TRPM3: variants seen among roughly 807,000 people sequenced by gnomAD.
TRPM3 encodes long transient receptor potential channel 3.
A neutral mutation model predicts 181.2 loss-of-function variants in TRPM3; 77 were observed. The observed-to-expected ratio is 0.42, with a 90% CI of 0.35 to 0.51. The LOEUF is 0.51. Ranked by LOEUF, TRPM3 falls within the 20% of genes least tolerant of loss-of-function variation. The pLI, the probability that TRPM3 is intolerant of heterozygous loss-of-function variation, is 0.01. For missense variants in TRPM3, 1,759 were observed against 2,196.7 expected, an observed-to-expected ratio of 0.80 and a Z score of 3.98; for synonymous variants, 745 against 796.4, an observed-to-expected ratio of 0.94 and a Z score of 1.09.
intron 1 of TRPM3, among the ~76,000 whole-genome samples, chr9:71,035,865 A>C (rs1285157215): frequency 1.3e-5 from 2 of 152,118 alleles, no homozygotes; most frequent in Non-Finnish European, 2.9e-5. Flanking sequence ...GAAGGCCATA[A>C]AATATATGGT....
At chr9:70,852,322 G>T (rs11142619) in intron 3 of TRPM3, among the ~76,000 whole-genome samples, 54,892 of 151,496 alleles carry the variant, frequency 0.36, 10,337 homozygotes, top group Non-Finnish European at 0.38. Context: ...TTTACCGATG[G>T]GAACAGAAAG....
chr9:70,640,544 A>G lies in TRPM3; in HGVS notation c.1446+16T>C. 6.2e-7 allele frequency: 1 copy of G among 1,608,034 alleles called. No individual in the cohort carries two copies. The highest frequency in any genetic ancestry group is 8.5e-7 in the Non-Finnish European group (1 of 1,176,190). On this transcript the variant is annotated intron_variant, in intron 10 of 25. Coordinates refer to ENST00000677713, the MANE Select transcript of TRPM3 (RefSeq NM_001366145.2). ...AACCAAAGTGGGCTTTTCATGGGAG[A>G]CGATATATACTCTACCGGCCACTGT...
intron 3 of TRPM3, among the ~76,000 whole-genome samples, chr9:70,855,311 A>G (rs552473832): frequency 2.6e-4 from 40 of 152,352 alleles, no homozygotes; most frequent in African/African-American, 8.9e-4. Flanking sequence ...CATTAAGAAA[A>G]AATAATAATA....
At chr9:71,139,279 G>T (rs1406860876) in intron 1 of TRPM3, among the ~76,000 whole-genome samples, 1 of 152,144 alleles carries the variant, frequency 6.6e-6, no homozygotes, top group Non-Finnish European at 1.5e-5. Flanking sequence ...GTATGGCAAG[G>T]TACTATCTCA....
At chr9:71,130,612 A>G (rs1038958830) in intron 1 of TRPM3, among the ~76,000 whole-genome samples, 1 of 152,226 alleles carries the variant, frequency 6.6e-6, no homozygotes, top group African/African-American at 2.4e-5. Context: ...CCAAAGATGA[A>G]TTTGATTTAT....
chr9:71,347,630 G>A (rs942260166), intron 1 of TRPM3, among the ~76,000 whole-genome samples: 3 of 152,160 alleles, frequency 2.0e-5, no homozygotes, highest in South Asian at 2.1e-4. Flanking sequence ...TTTAAGAGAC[G>A]TTAGGCCAGG....
At chr9:70,633,395 T>G (rs1405722781) in intron 12 of TRPM3, among the ~76,000 whole-genome samples, 1 of 152,160 alleles carries the variant, frequency 6.6e-6, no homozygotes, top group Non-Finnish European at 1.5e-5. Context: ...TGAGGGTAGA[T>G]CTACTACGAT....
intron 1 of TRPM3, among the ~76,000 whole-genome samples, chr9:71,418,032 G>T (rs1390584854): frequency 7.6e-6 from 1 of 131,856 alleles, no homozygotes; most frequent in African/African-American, 2.8e-5. Context: ...AAATATTTGA[G>T]AAATTGAAAA....
chr9:70,693,473 GCTTT>G (rs1178559316), intron 8 of TRPM3, among the ~76,000 whole-genome samples: 1 of 151,554 alleles, frequency 6.6e-6, no homozygotes, highest in East Asian at 1.9e-4. Flanking sequence ...CATTTTTAGC[GCTTT>G]TTTTTTGACA....
At chr9:70,662,579 A>T (rs2061287016) in intron 9 of TRPM3, among the ~76,000 whole-genome samples, 1 of 152,186 alleles carries the variant, frequency 6.6e-6, no homozygotes, top group Non-Finnish European at 1.5e-5. Context: ...AAGTGGGCAA[A>T]GGTCATGAAC....
chr9:71,425,401 T>G (rs1395600868), intron 1 of TRPM3, among the ~76,000 whole-genome samples: 1 of 152,178 alleles, frequency 6.6e-6, no homozygotes, highest in Admixed American at 6.6e-5. Flanking sequence ...GTTCAGGATT[T>G]CTATAAATAT....
chr9:71,001,976 C>T (rs1486147574), intron 1 of TRPM3, among the ~76,000 whole-genome samples: 3 of 149,996 alleles, frequency 2.0e-5, no homozygotes, highest in South Asian at 4.3e-4. Flanking sequence ...TCTTGTGTGC[C>T]CCCTTGTGGT....
At chr9:70,842,524 T>A (rs2094744515) in intron 5 of TRPM3, among the ~76,000 whole-genome samples, 1 of 152,100 alleles carries the variant, frequency 6.6e-6, no homozygotes, top group Non-Finnish European at 1.5e-5. Context: ...CAGATAGACC[T>A]CATGGTACTT....
At chr9:71,136,957 T>C (rs1268814332) in intron 1 of TRPM3, among the ~76,000 whole-genome samples, 11 of 152,284 alleles carry the variant, frequency 7.2e-5, no homozygotes, top group Admixed American at 2.0e-4. Context: ...GGGGGAGTCA[T>C]TGAGGTTTTT....
chr9:70,997,933 G>C (rs565039172), intron 1 of TRPM3, among the ~76,000 whole-genome samples: 17 of 151,724 alleles, frequency 1.1e-4, no homozygotes, highest in Non-Finnish European at 2.2e-4. Context: ...CATCCAATAA[G>C]ATCACTCAAA....
chr9:70,869,054 C>A (rs2095724782), intron 1 of TRPM3: 12 of 985,188 alleles, frequency 1.2e-5, no homozygotes, highest in Non-Finnish European at 1.4e-5. Flanking sequence ...CATTTTGCTG[C>A]AGCTAGGGCT....
At chr9:71,162,871 A>T (rs957612864) in intron 1 of TRPM3, among the ~76,000 whole-genome samples, 3 of 152,160 alleles carry the variant, frequency 2.0e-5, no homozygotes, top group Non-Finnish European at 4.4e-5. Context: ...CTATAGGAAC[A>T]CAAAAGAGGA....
chr9:70,843,688 C>T (rs2094819162), intron 4 of TRPM3, among the ~76,000 whole-genome samples: 1 of 152,124 alleles, frequency 6.6e-6, no homozygotes, highest in African/African-American at 2.4e-5. Context: ...TAATCTTCAT[C>T]ATTCTAATTA....
At chr9:71,366,551 AC>A (rs1477739351) in intron 1 of TRPM3, among the ~76,000 whole-genome samples, 1 of 152,120 alleles carries the variant, frequency 6.6e-6, no homozygotes, top group Admixed American at 6.5e-5. Context: ...CTAGGACTTA[AC>A]CTTGTAGGGC....
Sources: allele counts gnomAD v4.1 joint callset (sites outside exome capture counted in the v4.1 genomes callset), GRCh38; gene constraint gnomAD v4.1.1; transcripts MANE v1.5; gene names NCBI Gene and HGNC (gene_info 2026-07-23, HGNC 2026-07-21).